ANO1: variants seen among roughly 807,000 people sequenced by gnomAD.
The protein encoded by ANO1 is anoctamin 1.
In ANO1, 59 loss-of-function variants were observed where a neutral mutation model predicts 124.0. The observed-to-expected ratio is 0.48, with a 90% CI of 0.39 to 0.59. The LOEUF (loss-of-function observed/expected upper bound fraction) is 0.59. ANO1 is among the 20% of genes least tolerant of loss of function. The pLI is 0.00. For synonymous variants in ANO1, 529 were observed against 532.0 expected (o/e 0.99, Z 0.08); for missense variants, 1,059 against 1,328.0 (o/e 0.80, Z 3.15).
intron 2 of ANO1, among the ~76,000 whole-genome samples, chr11:70,090,944 T>TAA (rs1173917462): frequency 6.6e-6 from 1 of 152,184 alleles, no homozygotes; most frequent in Non-Finnish European, 1.5e-5. Context: ...TCTCAAATCA[T>TAA]AAGCTGTTTT....
At chr11:70,181,045 C>T (rs754083258) in intron 23 of ANO1, among the ~76,000 whole-genome samples, 3 of 152,176 alleles carry the variant, frequency 2.0e-5, no homozygotes, top group Non-Finnish European at 4.4e-5. Flanking sequence ...TGGATCTCCC[C>T]GGGTTTAGCT....
At chr11:69,995,392 C>T (rs1316395348) in intron 1 of ANO1, among the ~76,000 whole-genome samples, 5 of 152,110 alleles carry the variant, frequency 3.3e-5, no homozygotes, top group South Asian at 2.1e-4. Context: ...CCACCATGCC[C>T]GGCCACTGGC....
intron 11 of ANO1, among the ~76,000 whole-genome samples, chr11:70,144,811 G>A (rs911295210): frequency 1.3e-5 from 2 of 152,310 alleles, no homozygotes; most frequent in East Asian, 1.9e-4. Context: ...AGCCTATCTG[G>A]GCATCAGAAG....
upstream of ANO1, among the ~76,000 whole-genome samples, chr11:70,074,708 A>C (rs1354034722): frequency 7.9e-5 from 12 of 152,190 alleles, no homozygotes; most frequent in Admixed American, 5.2e-4. Context: ...CAACATCAAG[A>C]AACATTTTTA....
chr11:70,161,025 C>A, intron 16 of ANO1, 136 bp from the exon 17 acceptor site: 1 of 829,790 alleles, frequency 1.2e-6, no homozygotes, highest in South Asian at 1.8e-5. Context: ...GGCAGGTGCC[C>A]AAGAAATGTC....
In ANO1 at chr11:70,126,188, A is replaced by G; in HGVS notation, c.1090A>G (p.Ile364Val). 1 of 1,612,046 alleles carries G rather than the reference A, an allele frequency of 6.2e-7. No homozygotes were observed. The highest frequency in any genetic ancestry group is 8.5e-7 in the Non-Finnish European group (1 of 1,179,102). Residue 364 changes from isoleucine (I) to valine (V), a missense_variant, in exon 10 of 26, where the codon ATC becomes GTC. Physicochemically the swap from Ile to Val is conservative, Grantham distance 29. This residue lies in a region of ANO1 where 809 missense variants were observed against 1,094.9 expected (regional missense o/e 0.74). Transcript: ENST00000355303. ...CGGATGCGCCACCATGGATGAAAAC[A>G]TCCCCAGGTAGGCGGCAGCCCACCC... ...LYGCATMDEN[I>V]PSMEMCDQRH...
At chr11:70,085,857 C>T (rs1014156801) in intron 1 of ANO1, among the ~76,000 whole-genome samples, 1 of 152,274 alleles carries the variant, frequency 6.6e-6, no homozygotes, top group African/African-American at 2.4e-5. Context: ...GCCCACCTGC[C>T]TCGAATGAGG....
At chr11:70,120,645 G>T (rs1157223347) in intron 8 of ANO1, among the ~76,000 whole-genome samples, 1 of 152,168 alleles carries the variant, frequency 6.6e-6, no homozygotes, top group East Asian at 1.9e-4. Context: ...GGGTGAGAAG[G>T]ACCAGACAAA....
intron 15 of ANO1, 108 bp downstream of exon 15, chr11:70,156,096 A>C: frequency 8.9e-7 from 1 of 1,123,144 alleles, no homozygotes; most frequent in Non-Finnish European, 1.2e-6. Flanking sequence ...TTTAACATTC[A>C]CATCCGTGTT....
At chr11:70,112,851 G>A (rs539132854) in intron 7 of ANO1, among the ~76,000 whole-genome samples, 1 of 152,268 alleles carries the variant, frequency 6.6e-6, no homozygotes, top group South Asian at 2.1e-4. Flanking sequence ...GAGCCACCGT[G>A]CCCAGCCTAA....
chr11:70,085,806 T>C, intron 1 of ANO1: 1 of 1,123,958 alleles, frequency 8.9e-7, no homozygotes, highest in Non-Finnish European at 1.2e-6. Flanking sequence ...GGGGAGGGGC[T>C]CCACCCTCCG....
chr11:70,085,719 T>C (rs2044347445), intron 1 of ANO1: 1 of 1,428,338 alleles, frequency 7.0e-7, no homozygotes, highest in Non-Finnish European at 9.1e-7. Flanking sequence ...TCCTCTCTCC[T>C]TCCCCTACAA....
chr11:69,987,213 C>T (rs1554996963), intron 1 of ANO1, among the ~76,000 whole-genome samples: 1 of 152,208 alleles, frequency 6.6e-6, no homozygotes, highest in Non-Finnish European at 1.5e-5. Flanking sequence ...CTGAAGTGGG[C>T]CACCAGGGCC....
At chr11:70,156,869 A>C in intron 15 of ANO1, 78 bp from the exon 16 acceptor site, 1 of 1,332,164 alleles carries the variant, frequency 7.5e-7, no homozygotes, top group Non-Finnish European at 1.1e-6. Flanking sequence ...GCACGCACGC[A>C]CATGCACCCA....
chr11:70,055,195 A>C (rs545494578), intron 1 of ANO1, among the ~76,000 whole-genome samples: 36 of 152,076 alleles, frequency 2.4e-4, no homozygotes, highest in Non-Finnish European at 5.0e-4. Flanking sequence ...TTTTTTGTGC[A>C]CTTAAAAAAT....
intron 23 of ANO1, among the ~76,000 whole-genome samples, chr11:70,181,779 A>G (rs1412089015): frequency 9.2e-5 from 10 of 108,110 alleles, no homozygotes; most frequent in Non-Finnish European, 1.5e-4. Flanking sequence ...TCTCTCTCTG[A>G]AAAAAAAAAA....
At chr11:70,007,110 C>G (rs1399043125) in intron 1 of ANO1, among the ~76,000 whole-genome samples, 2 of 152,144 alleles carry the variant, frequency 1.3e-5, no homozygotes, top group Non-Finnish European at 2.9e-5. Context: ...GAGCCCCTGG[C>G]AACCATCATT....
At chr11:69,992,216 A>G (rs201100652) in intron 1 of ANO1, among the ~76,000 whole-genome samples, 3 of 147,054 alleles carry the variant, frequency 2.0e-5, no homozygotes, top group Admixed American at 1.4e-4. Flanking sequence ...ACGAATGGAT[A>G]GATGGATGGA....
chr11:70,095,299 G>GGAAGGAAAGAAAGAAA (rs1555017361), intron 2 of ANO1, among the ~76,000 whole-genome samples: 1 of 50,930 alleles, frequency 2.0e-5, no homozygotes, highest in African/African-American at 9.0e-5. Context: ...AAGGAAGGAA[G>GGAAGGAAAGAAAGAAA]GAAAGAAAGA....
Sources: allele counts gnomAD v4.1 joint callset (sites outside exome capture counted in the v4.1 genomes callset), GRCh38; gene constraint gnomAD v4.1.1; regional missense constraint gnomAD v4.1.1; transcripts MANE v1.5; gene names NCBI Gene and HGNC (gene_info 2026-07-23, HGNC 2026-07-21).